The following CCNY variants were observed in gnomAD, a reference collection of about 807,000 sequenced individuals.
The protein encoded by CCNY is cyclin Y.
In CCNY, 19 loss-of-function variants were observed where a neutral mutation model predicts 42.8. The observed-to-expected ratio is 0.44, with a 90% CI of 0.31 to 0.65. The LOEUF is 0.65. Ranked by LOEUF, CCNY falls within the 30% of genes least tolerant of loss-of-function variation. The probability of loss-of-function intolerance (pLI) is 0.07; values close to 1 mark genes in which losing one functional copy is unlikely to be tolerated. For missense variants in CCNY, 370 were observed against 437.3 expected (o/e 0.85, Z 1.37); for synonymous variants, 165 against 162.7 (o/e 1.01, Z -0.11).
At chr10:35,374,378 C>G (rs370281254) in intron 1 of CCNY, among the ~76,000 whole-genome samples, 1 of 152,196 alleles carries the variant, frequency 6.6e-6, no homozygotes, top group Admixed American at 6.5e-5. Context: ...GAAGCTTTCT[C>G]TAGGAGAACT....
chr10:35,285,481 G>T (rs905887280), intron 3 of CCNY, among the ~76,000 whole-genome samples: 12 of 152,120 alleles, frequency 7.9e-5, no homozygotes, highest in African/African-American at 2.9e-4. Context: ...CTGGAGTGTG[G>T]TGGTGCGATC....
chr10:35,249,350 G>A (rs2095710261), intron 2 of CCNY, among the ~76,000 whole-genome samples: 1 of 152,140 alleles, frequency 6.6e-6, no homozygotes, highest in African/African-American at 2.4e-5. Flanking sequence ...TGCAAGCAAT[G>A]AAGCAAGGGC....
At chr10:35,278,354 C>G (rs1835262111) in intron 3 of CCNY, among the ~76,000 whole-genome samples, 3 of 152,056 alleles carry the variant, frequency 2.0e-5, no homozygotes, top group Non-Finnish European at 4.4e-5. Context: ...GGAACCAAGG[C>G]CACTCCAGGT....
chr10:35,428,031 T>A (rs1449218856), intron 1 of CCNY, among the ~76,000 whole-genome samples: 1 of 152,236 alleles, frequency 6.6e-6, no homozygotes, highest in Non-Finnish European at 1.5e-5. Context: ...CTTTATAGAC[T>A]CATTGTTTCC....
intron 3 of CCNY, among the ~76,000 whole-genome samples, chr10:35,509,742 G>T (rs75717241): frequency 6.6e-6 from 1 of 152,266 alleles, no homozygotes; most frequent in Non-Finnish European, 1.5e-5. Context: ...TGCCTTCCCC[G>T]CATGGGCATC....
At chr10:35,249,446 C>T (rs555822063) in intron 2 of CCNY, among the ~76,000 whole-genome samples, 3 of 150,724 alleles carry the variant, frequency 2.0e-5, no homozygotes, top group Non-Finnish European at 4.4e-5. Context: ...TTGTTTAAGA[C>T]CTTAAAAAAA....
At chr10:35,260,185 C>G (rs1482940473) in intron 3 of CCNY, among the ~76,000 whole-genome samples, 2 of 152,200 alleles carry the variant, frequency 1.3e-5, no homozygotes, top group Non-Finnish European at 2.9e-5. Context: ...CCTCATCCTT[C>G]CTATCATGAC....
intron 3 of CCNY, among the ~76,000 whole-genome samples, chr10:35,253,628 C>G (rs1176751552): frequency 5.3e-5 from 8 of 151,560 alleles, no homozygotes; most frequent in Non-Finnish European, 1.2e-4. Flanking sequence ...ATGAGGGAAT[C>G]TCATGGTGTT....
chr10:35,461,445 CAGGG>C (rs1179771116), intron 1 of CCNY, among the ~76,000 whole-genome samples: 6 of 151,468 alleles, frequency 4.0e-5, no homozygotes, highest in African/African-American at 1.5e-4. Flanking sequence ...TGAAGGCAGA[CAGGG>C]AGGATCACCT....
intron 7 of CCNY, among the ~76,000 whole-genome samples, chr10:35,540,849 A>G (rs1281777593): frequency 6.6e-6 from 1 of 152,040 alleles, no homozygotes; most frequent in Non-Finnish European, 1.5e-5. Context: ...TTATTTCTGT[A>G]AAGTCTATAA....
chr10:35,548,498 ATG>A (rs1397673381), intron 7 of CCNY, among the ~76,000 whole-genome samples: 2 of 151,956 alleles, frequency 1.3e-5, no homozygotes, highest in Non-Finnish European at 2.9e-5. Flanking sequence ...GGGTTTCACC[ATG>A]TTGGCCAGGA....
intron 1 of CCNY, among the ~76,000 whole-genome samples, chr10:35,361,682 AG>A (rs1417468517): frequency 6.6e-6 from 1 of 152,212 alleles, no homozygotes; most frequent in Non-Finnish European, 1.5e-5. Flanking sequence ...TAATTCTCTA[AG>A]AAAATATTAA....
intron 1 of CCNY, among the ~76,000 whole-genome samples, chr10:35,421,790 T>C (rs1443573899): frequency 1.3e-5 from 2 of 152,238 alleles, no homozygotes; most frequent in African/African-American, 2.4e-5. Flanking sequence ...TATCCAGGCC[T>C]GTTAGATCTG....
chr10:35,422,629 T>A (rs1838183937), intron 1 of CCNY, among the ~76,000 whole-genome samples: 2 of 152,266 alleles, frequency 1.3e-5, no homozygotes, highest in African/African-American at 2.4e-5. Context: ...TTTAGTCAGT[T>A]AATTCTGGTT....
intron 3 of CCNY, among the ~76,000 whole-genome samples, chr10:35,326,998 G>A (rs1019656602): frequency 1.3e-5 from 2 of 152,134 alleles, no homozygotes; most frequent in African/African-American, 4.8e-5. Flanking sequence ...GTTCTAACGT[G>A]GGCATGGATT....
chr10:35,431,963 G>T (rs116505714), intron 1 of CCNY, among the ~76,000 whole-genome samples: 1 of 152,170 alleles, frequency 6.6e-6, no homozygotes, highest in Non-Finnish European at 1.5e-5. Flanking sequence ...AAGGTATTCA[G>T]TTCTGTGTCT....
At chr10:35,377,784 T>G (rs1367417219) in intron 1 of CCNY, among the ~76,000 whole-genome samples, 1 of 152,192 alleles carries the variant, frequency 6.6e-6, no homozygotes, top group Non-Finnish European at 1.5e-5. Context: ...CATTTTTATT[T>G]TAAAAAATCT....
chr10:35,546,184 A>G (rs1237317748), intron 7 of CCNY, among the ~76,000 whole-genome samples: 2 of 152,254 alleles, frequency 1.3e-5, no homozygotes, highest in Non-Finnish European at 2.9e-5. Flanking sequence ...TTTAAAGTCC[A>G]GAAAGAAATT....
At chr10:35,532,491 T>C (rs1412279799) in intron 7 of CCNY, among the ~76,000 whole-genome samples, 1 of 152,182 alleles carries the variant, frequency 6.6e-6, no homozygotes, top group Non-Finnish European at 1.5e-5. Flanking sequence ...CCAAAGCAAA[T>C]ATTTCACAGC....
Sources: allele counts gnomAD v4.1 joint callset (sites outside exome capture counted in the v4.1 genomes callset), GRCh38; gene constraint gnomAD v4.1.1; transcripts MANE v1.5; gene names NCBI Gene and HGNC (gene_info 2026-07-23, HGNC 2026-07-21).